The following CD2AP variants were observed in gnomAD, a reference collection of about 807,000 sequenced individuals.
The protein encoded by CD2AP is CD2-associated protein.
A neutral mutation model predicts 85.1 loss-of-function variants in CD2AP; 46 were observed. That is an observed-to-expected ratio of 0.54 (90% CI 0.43 to 0.69). CD2AP has a LOEUF of 0.69. Ranked by LOEUF, CD2AP falls within the 30% of genes least tolerant of loss-of-function variation. The pLI is 0.00. For missense variants in CD2AP, 769 were observed against 729.5 expected (o/e 1.05, Z -0.62); for synonymous variants, 255 against 252.9 (o/e 1.01, Z -0.08).
intron 4 of CD2AP, 24 bp downstream of exon 4, chr6:47,544,730 T>G: frequency 7.6e-7 from 1 of 1,313,614 alleles, no homozygotes; most frequent in Non-Finnish European, 1.1e-6. Flanking sequence ...GTGTTACAGG[T>G]AAAACAGTAA....
intron 11 of CD2AP, among the ~76,000 whole-genome samples, chr6:47,593,832 G>A (rs1223852197): frequency 2.0e-5 from 3 of 152,046 alleles, no homozygotes; most frequent in Non-Finnish European, 2.9e-5. Flanking sequence ...AGACTCTCGT[G>A]TATTGTATGT....
intron 11 of CD2AP, among the ~76,000 whole-genome samples, chr6:47,586,281 A>T (rs895118601): frequency 6.6e-6 from 1 of 152,216 alleles, no homozygotes; most frequent in East Asian, 1.9e-4. Context: ...AATGAGAAAC[A>T]CTGAATGGAA....
rs1348929704 is a variant in CD2AP at position 47,576,459 on chromosome 6, CTTTG to C, written c.730-61_730-58del. 7 of 1,095,018 alleles carry C rather than the reference CTTTG, an allele frequency of 6.4e-6. No homozygotes were observed. The African/African-American group carries it at 7.7e-5, about 12-fold the overall frequency. 67.8% of individuals were successfully genotyped at this position (1,095,018 alleles called of 1,614,324 possible). On this transcript the variant is annotated intron_variant, in intron 6 of 17. Transcript: ENST00000359314. ...AAAGCTGGGTAACTGTAAATGGAAA[CTTTG>C]TTTAACAGTATTATCTTTATTCTAT... is the stretch of plus-strand genomic sequence containing the variant.
intron 1 of CD2AP, among the ~76,000 whole-genome samples, chr6:47,497,004 G>A (rs1032501812): frequency 6.6e-6 from 1 of 151,540 alleles, no homozygotes; most frequent in Non-Finnish European, 1.5e-5. Context: ...ATTCTTTTTC[G>A]GAATTATTAT....
At chr6:47,576,761 G>T (rs1768324403) in intron 7 of CD2AP, among the ~76,000 whole-genome samples, 159 bp downstream of exon 7, 1 of 152,168 alleles carries the variant, frequency 6.6e-6, no homozygotes, top group Non-Finnish European at 1.5e-5. Flanking sequence ...TACTTTGTTG[G>T]TTGATGGATG....
chr6:47,586,067 C>G (rs1486358462), intron 11 of CD2AP, among the ~76,000 whole-genome samples: 13 of 152,048 alleles, frequency 8.5e-5, no homozygotes, highest in Admixed American at 8.5e-4. Flanking sequence ...AATACACAAC[C>G]AGGGAAGAAA....
chr6:47,559,443 T>A (rs1184383683), intron 5 of CD2AP, among the ~76,000 whole-genome samples: 1 of 151,758 alleles, frequency 6.6e-6, no homozygotes, highest in Non-Finnish European at 1.5e-5. Flanking sequence ...CATTTTTTTT[T>A]AAGAGATGGG....
chr6:47,550,532 A>C (rs911502585), intron 4 of CD2AP, among the ~76,000 whole-genome samples: 2 of 152,182 alleles, frequency 1.3e-5, no homozygotes, highest in African/African-American at 2.4e-5. Context: ...ACCATTAAAA[A>C]AAAAATAGAT....
At chr6:47,577,257 G>T (rs1449162339) in intron 8 of CD2AP, among the ~76,000 whole-genome samples, 154 bp downstream of exon 8, 4 of 152,150 alleles carry the variant, frequency 2.6e-5, no homozygotes, top group Admixed American at 2.6e-4. Flanking sequence ...AACTTGGCAC[G>T]TAATAAGTGC....
Position 47,626,485 on chromosome 6 carries a change from A to G in CD2AP, c.*2258A>G, listed in dbSNP as rs1040211495. 1 of 152,408 alleles carries G rather than the reference A, an allele frequency of 6.6e-6. No homozygotes were observed. The highest frequency in any genetic ancestry group is 2.4e-5 in the African/African-American group (1 of 41,438). 9.4% of individuals were successfully genotyped at this position (152,408 alleles called of 1,614,324 possible). A position where few individuals can be genotyped will look rare whatever the true frequency, so the allele number is the denominator to read the frequency against. On this transcript the variant is annotated 3_prime_UTR_variant, in exon 18 of 18. Coordinates refer to ENST00000359314, the MANE Select transcript of CD2AP (RefSeq NM_012120.3). The stretch of plus-strand genomic sequence containing the variant: ...GTGTGAGTATAAAAGACAAAAGTTG[A>G]ACAGCATGGAATCTCATTGCCAAAT...
intron 5 of CD2AP, among the ~76,000 whole-genome samples, chr6:47,572,106 G>C (rs1193852614): frequency 6.6e-6 from 1 of 152,182 alleles, no homozygotes; most frequent in East Asian, 1.9e-4. Context: ...CATGTCTTCA[G>C]TTATTGCCTC....
At chr6:47,592,415 A>G (rs1768827436) in intron 11 of CD2AP, among the ~76,000 whole-genome samples, 2 of 152,092 alleles carry the variant, frequency 1.3e-5, no homozygotes, top group Non-Finnish European at 2.9e-5. Flanking sequence ...GTAAATCTTC[A>G]TGGCCTTGGA....
In CD2AP at chr6:47,581,988, T is replaced by A. The variant is rs1317702728; in HGVS notation, c.1046-15T>A. 1.3e-6 allele frequency: 2 copies of A among 1,560,932 alleles called. No individual in the cohort carries two copies. Among genetic ancestry groups the A allele is most frequent in the East Asian group, 4.5e-5 (2 of 44,498 alleles). ...AACTGTCTTCTTAAAAAAGTATTAA[T>A]GTTTTTTCCCATAGCTCCAAAGCCT... is the stretch of plus-strand genomic sequence containing the variant. On this transcript the variant is annotated splice_polypyrimidine_tract_variant and intron_variant, in intron 10 of 17. Transcript: ENST00000359314.
chr6:47,585,220 G>A (rs967181866), intron 11 of CD2AP, among the ~76,000 whole-genome samples: 48 of 151,414 alleles, frequency 3.2e-4, no homozygotes, highest in Non-Finnish European at 1.8e-4. Flanking sequence ...GGAGAATGGC[G>A]TGAACTCGGG....
At chr6:47,573,918 C>G (rs1768227824) in intron 5 of CD2AP, 146 bp from the exon 6 acceptor site, 5 of 683,400 alleles carry the variant, frequency 7.3e-6, no homozygotes, top group Non-Finnish European at 1.0e-5. Context: ...TTGCATCTTG[C>G]TCTTCTGGAT....
At chr6:47,526,108 TGG>T (rs1766715915) in intron 2 of CD2AP, among the ~76,000 whole-genome samples, 1 of 152,180 alleles carries the variant, frequency 6.6e-6, no homozygotes, top group African/African-American at 2.4e-5. Flanking sequence ...GAATAAACAC[TGG>T]AAGCCTTACT....
chr6:47,489,610 C>T (rs1319109728), intron 1 of CD2AP, among the ~76,000 whole-genome samples: 5 of 152,086 alleles, frequency 3.3e-5, no homozygotes, highest in African/African-American at 1.2e-4. Flanking sequence ...TTAGGGAATT[C>T]TTACTATGCT....
chr6:47,596,099 T>C, intron 12 of CD2AP, 73 bp downstream of exon 12: 3 of 1,044,330 alleles, frequency 2.9e-6, no homozygotes, highest in Non-Finnish European at 4.5e-6. Flanking sequence ...ATTGCCTTTC[T>C]AAATCTCCAG....
intron 17 of CD2AP, among the ~76,000 whole-genome samples, chr6:47,617,808 A>G (rs1168093787): frequency 1.3e-5 from 2 of 152,180 alleles, no homozygotes; most frequent in Non-Finnish European, 2.9e-5. Flanking sequence ...ACAACTTACT[A>G]TATGAGGTGT....
Sources: allele counts gnomAD v4.1 joint callset (sites outside exome capture counted in the v4.1 genomes callset), GRCh38; gene constraint gnomAD v4.1.1; transcripts MANE v1.5; gene names NCBI Gene and HGNC (gene_info 2026-07-23, HGNC 2026-07-21).